Variants in GALNT18 observed in about 807,000 individuals in gnomAD.
The protein encoded by GALNT18 is GalNAc-transferase 18.
In GALNT18, 44 loss-of-function variants were observed where a neutral mutation model predicts 69.5. The observed-to-expected ratio is 0.63, with a 90% CI of 0.50 to 0.81. GALNT18 has a LOEUF of 0.81. GALNT18 is among the 40% of genes least tolerant of loss of function. GALNT18 has a pLI of 0.00. For missense variants in GALNT18, 715 were observed against 810.0 expected, an observed-to-expected ratio of 0.88 and a Z score of 1.42; for synonymous variants, 364 against 318.2, an observed-to-expected ratio of 1.14 and a Z score of -1.53.
At chr11:11,276,108 C>T (rs9735603) in intron 10 of GALNT18, among the ~76,000 whole-genome samples, 68,910 of 152,000 alleles carry the variant, frequency 0.45, 16,214 homozygotes, top group Middle Eastern at 0.61. Flanking sequence ...ACTGAATCTA[C>T]AAATTGCTTT....
chr11:11,360,085 C>T (rs995898930), intron 6 of GALNT18, among the ~76,000 whole-genome samples: 2 of 152,224 alleles, frequency 1.3e-5, no homozygotes, highest in African/African-American at 4.8e-5. Flanking sequence ...TAAACACTTA[C>T]TCCACCGTAC....
chr11:11,522,733 C>G (rs964724367), intron 1 of GALNT18, among the ~76,000 whole-genome samples: 10 of 152,196 alleles, frequency 6.6e-5, no homozygotes, highest in African/African-American at 2.2e-4. Context: ...CTCAAGATGT[C>G]TAACAGTCTC....
chr11:11,338,621 G>A lies in GALNT18; in HGVS notation c.1278+2198C>T, dbSNP rs528386695. ...GGGTTTGGCTGGTCAGAGTCATTCT[G>A]AGTGCCTGTGGGAATGGCCAAGAGG... On this transcript the variant is annotated intron_variant, in intron 7 of 10. Transcript: ENST00000227756. This position sits in a 1 kb window ranked among gnomAD's most constrained non-coding sequence, Gnocchi z 5.3. Among the ~76,000 whole-genome samples, 2 of 152,336 alleles carry A rather than the reference G, an allele frequency of 1.3e-5. No individual in the cohort carries two copies. Among genetic ancestry groups the A allele is most frequent in the East Asian group, 3.9e-4 (2 of 5,186 alleles).
At chr11:11,394,993 A>G (rs560896380) in intron 3 of GALNT18, among the ~76,000 whole-genome samples, 1 of 152,338 alleles carries the variant, frequency 6.6e-6, no homozygotes, top group East Asian at 1.9e-4. Context: ...TCTGAAGACA[A>G]CTCAGCACAC....
chr11:11,419,830 TC>T (rs1854960768), intron 3 of GALNT18, among the ~76,000 whole-genome samples: 1 of 151,906 alleles, frequency 6.6e-6, no homozygotes, highest in Non-Finnish European at 1.5e-5. Context: ...GCTCCTAAAA[TC>T]AACCATAACC....
intron 3 of GALNT18, among the ~76,000 whole-genome samples, chr11:11,419,471 C>G (rs1354438986): frequency 1.3e-5 from 2 of 151,690 alleles, no homozygotes; most frequent in Non-Finnish European, 2.9e-5. Flanking sequence ...GTAGCGCACG[C>G]CTGTAATCCC....
intron 1 of GALNT18, among the ~76,000 whole-genome samples, chr11:11,545,837 C>G (rs911323096): frequency 6.6e-5 from 10 of 152,132 alleles, no homozygotes; most frequent in Non-Finnish European, 1.3e-4. Flanking sequence ...ATGCAGTGCC[C>G]AAGGGAAGGC....
chr11:11,381,615 C>T (rs530958874), intron 3 of GALNT18, among the ~76,000 whole-genome samples: 4 of 152,300 alleles, frequency 2.6e-5, no homozygotes, highest in South Asian at 2.1e-4. Context: ...CAAGAGGGAC[C>T]CTGCGCAAGT....
chr11:11,475,921 G>C (rs964321512), intron 1 of GALNT18: 3 of 152,168 alleles, frequency 2.0e-5, no homozygotes, highest in African/African-American at 7.2e-5. Flanking sequence ...TGAAACAACA[G>C]GCACTGAATC....
chr11:11,582,001 A>G lies in GALNT18; in HGVS notation c.235+39358T>C, dbSNP rs1859099976. Among the ~76,000 whole-genome samples the G allele has an allele frequency of 6.6e-6, 1 of 152,074 alleles. No individual in the cohort carries two copies. The highest frequency in any genetic ancestry group is 2.4e-5 in the African/African-American group (1 of 41,398). On this transcript the variant is annotated intron_variant, in intron 1 of 10. Coordinates refer to ENST00000227756, the MANE Select transcript of GALNT18 (RefSeq NM_198516.3). The surrounding 1 kb of genome is among the most constrained non-coding windows in gnomAD (Gnocchi z 5.0). ...TACAGTTTACTGGAAGAGAAAGACA[A>G]CAAATGAGTAATCTAGTATTTCCTA...
chr11:11,392,018 G>C (rs1240552921), intron 3 of GALNT18, among the ~76,000 whole-genome samples: 1 of 152,216 alleles, frequency 6.6e-6, no homozygotes, highest in Non-Finnish European at 1.5e-5. Context: ...TTGGCTCAAC[G>C]CTTTCTAATG....
Position 11,436,491 on chromosome 11 carries a change from C to A in GALNT18, c.429-3704G>T, listed in dbSNP as rs532147436. Among the ~76,000 whole-genome samples the A allele has an allele frequency of 1.3e-5, 2 of 152,260 alleles. No homozygotes were observed. Among genetic ancestry groups the A allele is most frequent in the South Asian group, 4.2e-4 (2 of 4,812 alleles). Reference sequence around the variant, plus strand: ...CAGGCGGTCCCCCATGCCTATACCACCAGCTCTGAGGGCACAGACTGGCCT... The same window carrying A: ...CAGGCGGTCCCCCATGCCTATACCAACAGCTCTGAGGGCACAGACTGGCCT... On this transcript the variant is annotated intron_variant, in intron 2 of 10. Transcript: ENST00000227756. This position sits in a 1 kb window ranked among gnomAD's most constrained non-coding sequence, Gnocchi z 4.5.
chr11:11,422,117 TG>T (rs1342061989), intron 3 of GALNT18, among the ~76,000 whole-genome samples: 1 of 152,200 alleles, frequency 6.6e-6, no homozygotes, highest in Non-Finnish European at 1.5e-5. Flanking sequence ...GGCCCAGGCC[TG>T]GGGTCAGGGC....
At position 11,620,999 on chromosome 11, in the gene GALNT18, A is replaced by C. The variant is rs1031301714; in HGVS notation, c.235+360T>G. ...CCCTCTTGTACACACACAGACATTCACATGCACACACACTCTGAGCCGGAC... is the reference window on the plus strand; with the variant it reads ...CCCTCTTGTACACACACAGACATTCCCATGCACACACACTCTGAGCCGGAC... On this transcript the variant is annotated intron_variant, in intron 1 of 10. Coordinates refer to ENST00000227756, the MANE Select transcript of GALNT18 (RefSeq NM_198516.3). This position sits in a 1 kb window ranked among gnomAD's most constrained non-coding sequence, Gnocchi z 6.9. Among the ~76,000 whole-genome samples the C allele has an allele frequency of 1.4e-4, 21 of 151,890 alleles. No homozygotes were observed. The highest frequency in any genetic ancestry group is 5.1e-4 in the African/African-American group (21 of 41,338).
At chr11:11,537,547 C>T (rs892984768) in intron 1 of GALNT18, among the ~76,000 whole-genome samples, 2 of 152,150 alleles carry the variant, frequency 1.3e-5, no homozygotes, top group African/African-American at 4.8e-5. Context: ...AGGAGCTTCA[C>T]TGAAGACTAC....
In GALNT18 at chr11:11,528,582, C is replaced by T. The variant is rs527697457; in HGVS notation, c.236-79646G>A. Among the ~76,000 whole-genome samples the T allele has an allele frequency of 5.3e-5, 8 of 152,320 alleles. No individual in the cohort carries two copies. The South Asian group carries it at 1.7e-3, about 32-fold the overall frequency. ...AAGGGGAATTAATCAGAGACTGATA[C>T]TGTCAGATCTTTTTGTTAACAAATC... On this transcript the variant is annotated intron_variant, in intron 1 of 10. Coordinates refer to ENST00000227756, the MANE Select transcript of GALNT18 (RefSeq NM_198516.3).
chr11:11,406,549 A>G (rs1854592441), intron 3 of GALNT18, among the ~76,000 whole-genome samples: 1 of 152,238 alleles, frequency 6.6e-6, no homozygotes, highest in Non-Finnish European at 1.5e-5. Context: ...ACATTTATGT[A>G]CTATTTCAGC....
intron 3 of GALNT18, among the ~76,000 whole-genome samples, chr11:11,385,668 C>A (rs968393112): frequency 4.6e-5 from 7 of 152,054 alleles, no homozygotes. Context: ...GGAGAGTAAG[C>A]AGGAAATGCT....
At chr11:11,475,654 C>G (rs1256725563) in intron 1 of GALNT18, 1 of 152,234 alleles carries the variant, frequency 6.6e-6, no homozygotes, top group African/African-American at 2.4e-5. Flanking sequence ...AACAATACTG[C>G]TAGCCAGCCC....
Sources: allele counts gnomAD v4.1 joint callset (sites outside exome capture counted in the v4.1 genomes callset), GRCh38; gene constraint gnomAD v4.1.1; non-coding constraint Gnocchi (gnomAD v3.1); transcripts MANE v1.5; gene names NCBI Gene and HGNC (gene_info 2026-07-23, HGNC 2026-07-21).